The following PECAM1 variants were observed in gnomAD, a reference collection of about 807,000 sequenced individuals.
PECAM1 encodes the protein platelet endothelial cell adhesion molecule.
Under a neutral mutation model 13.8 loss-of-function variants are expected in PECAM1, and 8 were observed. That is an observed-to-expected ratio of 0.58 (90% CI 0.34 to 1.05). The LOEUF is 1.05. Ranked by LOEUF, PECAM1 falls within the 50% of genes least tolerant of loss-of-function variation. The pLI, the probability that PECAM1 is intolerant of heterozygous loss-of-function variation, is 0.03. For missense variants in PECAM1, 304 were observed against 141.2 expected (o/e 2.15, Z -5.84); for synonymous variants, 136 against 52.6 (o/e 2.58, Z -6.86).
Position 64,323,491 on chromosome 17 carries a change from G to A in PECAM1, c.*325C>T. ...GTGCATGGAAAAGGTCTTTATCTCT[G>A]CACAAAACAAAATATTCAAGTTTCA... On this transcript the variant is annotated 3_prime_UTR_variant, in exon 16 of 16. Coordinates refer to ENST00000563924, the MANE Select transcript of PECAM1 (RefSeq NM_000442.5). The A allele has an allele frequency of 1.5e-6, 2 of 1,292,902 alleles. No homozygotes were observed. Among genetic ancestry groups the A allele is most frequent in the Non-Finnish European group, 9.9e-7 (1 of 1,011,958 alleles). The allele number at this position is 1,292,902 out of a possible 1,614,324, so 80.1% of individuals were successfully genotyped here.
rs1477503391 is a variant in PECAM1, at chr17:64,329,555, G to C, written c.2187+145C>G. ...TCGAAATCAGAACTGGCCAAGGCTA[G>C]TCAGAGAAGCCCAGGGCTTCTGGTC... On this transcript the variant is annotated intron_variant, in intron 15 of 15. Transcript: ENST00000563924. The C allele has an allele frequency of 6.1e-6, 4 of 660,408 alleles. No homozygotes were observed. The East Asian group carries it at 1.1e-4, about 18-fold the overall frequency. The allele number at this position is 660,408 out of a possible 1,614,324, so 40.9% of individuals were successfully genotyped here. A position where few individuals can be genotyped will look rare whatever the true frequency, so the allele number is the denominator to read the frequency against.
At chr17:64,374,420 C>T (rs1443309927) in intron 4 of PECAM1, among the ~76,000 whole-genome samples, 3 of 151,926 alleles carry the variant, frequency 2.0e-5, no homozygotes, top group South Asian at 2.1e-4. Context: ...ACCTGGGAGG[C>T]GGAGGTTGCA....
intron 2 of PECAM1, among the ~76,000 whole-genome samples, chr17:64,388,265 G>C (rs1223032821): frequency 6.6e-6 from 1 of 152,164 alleles, no homozygotes; most frequent in African/African-American, 2.4e-5. Flanking sequence ...CAAAGCGTGA[G>C]TGTCTGCAGG....
Position 64,341,028 on chromosome 17 carries a change from G to A in PECAM1, c.2164+606C>T, listed in dbSNP as rs1319824618. Among the ~76,000 whole-genome samples the A allele has an allele frequency of 4.6e-5, 7 of 150,928 alleles. No individual in the cohort carries two copies. The East Asian group carries it at 5.8e-4, about 13-fold the overall frequency. On this transcript the variant is annotated intron_variant, in intron 14 of 15. Transcript: ENST00000563924. ...AGGAGAATCGCTTGAACCGGGAGGCGGAGGTTGCAGTGAGCCGAGATCGCT... is the reference window on the plus strand; with the variant it reads ...AGGAGAATCGCTTGAACCGGGAGGCAGAGGTTGCAGTGAGCCGAGATCGCT...
intron 14 of PECAM1, among the ~76,000 whole-genome samples, chr17:64,332,026 G>T (rs1213206077): frequency 1.3e-5 from 2 of 152,188 alleles, no homozygotes; most frequent in Non-Finnish European, 2.9e-5. Context: ...GTCACAGCGG[G>T]GGTCACAATC....
chr17:64,375,225 T>C lies in PECAM1; in HGVS notation c.517A>G (p.Lys173Glu). The stretch of plus-strand genomic sequence containing the variant: ...TTCTCTCTTTTCAGCTTGACCATTT[T>C]TTCATTTAGTTCAAGTTTTTCAATT... ...FTIEKLELNE[K>E]MVKLKREKNS... The change falls in exon 4 of 16, where the codon AAA (lysine) becomes GAA (glutamate). Residue 173 changes from lysine (K) to glutamate (E), a missense_variant. Transcript: ENST00000563924. The C allele has an allele frequency of 2.1e-6, 1 of 475,402 alleles. No homozygotes were observed. 29.4% of individuals were successfully genotyped at this position (475,402 alleles called of 1,614,324 possible). A position where few individuals can be genotyped will look rare whatever the true frequency, so the allele number is the denominator to read the frequency against.
chr17:64,328,276 C>T (rs1182739986), intron 15 of PECAM1, among the ~76,000 whole-genome samples: 1 of 145,044 alleles, frequency 6.9e-6, no homozygotes, highest in Non-Finnish European at 1.6e-5. Flanking sequence ...ACATCTGTGT[C>T]CCGCACTGCC....
chr17:64,323,013 G>T lies in PECAM1; in HGVS notation c.*803C>A, dbSNP rs1278214502. ...TGAGCCACCTTGCCTGCCCTGGCAA[G>T]GAATACATTTTTAAAAATTAGTAAG... On this transcript the variant is annotated 3_prime_UTR_variant, in exon 16 of 16. Transcript: ENST00000563924. The T allele has an allele frequency of 8.1e-6, 8 of 982,276 alleles. No homozygotes were observed. Among genetic ancestry groups the T allele is most frequent in the Non-Finnish European group, 9.7e-6 (8 of 827,148 alleles). 60.8% of individuals were successfully genotyped at this position (982,276 alleles called of 1,614,324 possible).
At chr17:64,324,484 G>A (rs1333228266) in intron 15 of PECAM1, among the ~76,000 whole-genome samples, 2 of 152,112 alleles carry the variant, frequency 1.3e-5, no homozygotes, top group South Asian at 2.1e-4. Flanking sequence ...ACTTCATCAA[G>A]CACCCATGTA....
chr17:64,385,884 G>A (rs2036582396), intron 2 of PECAM1, among the ~76,000 whole-genome samples: 2 of 152,232 alleles, frequency 1.3e-5, no homozygotes, highest in Non-Finnish European at 2.9e-5. Flanking sequence ...ACCAGAGTGT[G>A]GGGCTAGAGA....
intron 12 of PECAM1, 90 bp from the exon 13 acceptor site, chr17:64,348,412 T>C (rs1339662692): frequency 4.9e-5 from 19 of 387,202 alleles, no homozygotes; most frequent in East Asian, 3.0e-4. Flanking sequence ...CTTTTCTTTT[T>C]TTTTTTTTTT....
chr17:64,322,631 A>G lies in PECAM1; in HGVS notation c.*1185T>C, dbSNP rs1336096226. On this transcript the variant is annotated 3_prime_UTR_variant, in exon 16 of 16. Coordinates refer to ENST00000563924, the MANE Select transcript of PECAM1 (RefSeq NM_000442.5). ...CTCATCTGTGAAATTCCACAGCGCA[A>G]TGACAGCAGCCTCTCTCCCACCCAC... 8.1e-6 allele frequency: 8 copies of G among 985,282 alleles called. No individual in the cohort carries two copies. In the South Asian group the frequency reaches 1.4e-4, roughly 17 times the overall value. The allele number at this position is 985,282 out of a possible 1,614,324, so 61.0% of individuals were successfully genotyped here. A position where few individuals can be genotyped will look rare whatever the true frequency, so the allele number is the denominator to read the frequency against.
intron 13 of PECAM1, 150 bp from the exon 14 acceptor site, chr17:64,341,840 C>T (rs1470958501): frequency 2.5e-6 from 1 of 396,082 alleles, no homozygotes. Context: ...ACCCAGAGAC[C>T]TTGTCATTTC....
Position 64,377,911 on chromosome 17 carries a change from G to A in PECAM1, c.298C>T (p.Arg100Trp). 2.1e-6 allele frequency: 1 copy of A among 475,172 alleles called. No individual in the cohort carries two copies. Among genetic ancestry groups the A allele is most frequent in the Non-Finnish European group, 3.9e-6 (1 of 259,028 alleles). 29.4% of individuals were successfully genotyped at this position (475,172 alleles called of 1,614,324 possible). The change falls in exon 3 of 16, where the codon CGG becomes TGG. Residue 100 changes from arginine to tryptophan, a missense_variant. Transcript: ENST00000563924. ...STESYFIPEVRIYDSGTYKCT... is the reference protein window; with the variant it reads ...STESYFIPEVWIYDSGTYKCT... ...TTATATGTCCCTGAGTCATAGATCC[G>A]GACTTCAGGAATAAAATAACTCTCT...
intron 7 of PECAM1, among the ~76,000 whole-genome samples, chr17:64,357,228 C>T (rs1286122873): frequency 6.6e-6 from 1 of 152,068 alleles, no homozygotes; most frequent in Non-Finnish European, 1.5e-5. Flanking sequence ...AAATTCAATC[C>T]TCAGTTTTCC....
At position 64,356,379 on chromosome 17, in the gene PECAM1, C is replaced by G. The variant is rs1296422851; in HGVS notation, c.1512G>C (p.Gln504His). ...CCACCTTACTTGACAGGATAGAAATCTGGACCTCATCCACCGGGGCTGAAA... is the reference window on the plus strand; with the variant it reads ...CCACCTTACTTGACAGGATAGAAATGTGGACCTCATCCACCGGGGCTGAAA... ...VKVIAPVDEV[Q>H]ISILSSKVVE... Residue 504 changes from glutamine to histidine, a missense_variant, in exon 8 of 16, where the codon CAG (glutamine) becomes CAC (histidine). Coordinates refer to ENST00000563924, the MANE Select transcript of PECAM1 (RefSeq NM_000442.5). 1 of 470,156 alleles carries G rather than the reference C, an allele frequency of 2.1e-6. No individual in the cohort carries two copies. The highest frequency in any genetic ancestry group is 3.9e-6 in the Non-Finnish European group (1 of 256,904). The allele number at this position is 470,156 out of a possible 1,614,324, so 29.1% of individuals were successfully genotyped here.
intron 2 of PECAM1, among the ~76,000 whole-genome samples, chr17:64,383,843 C>G (rs2036535029): frequency 6.6e-6 from 1 of 152,126 alleles, no homozygotes. Context: ...CTCAAATAAA[C>G]AAACTCGGCA....
At chr17:64,368,304 G>C (rs2036158214) in intron 5 of PECAM1, among the ~76,000 whole-genome samples, 1 of 152,160 alleles carries the variant, frequency 6.6e-6, no homozygotes, top group African/African-American at 2.4e-5. Flanking sequence ...AACAAGAAAG[G>C]TAGAGTATAT....
intron 4 of PECAM1, among the ~76,000 whole-genome samples, chr17:64,372,754 C>T (rs1430693205): frequency 6.6e-6 from 1 of 151,902 alleles, no homozygotes; most frequent in Non-Finnish European, 1.5e-5. Context: ...CCGCCTGCCT[C>T]AGCCTCCCAA....
Sources: allele counts gnomAD v4.1 joint callset (sites outside exome capture counted in the v4.1 genomes callset), GRCh38; gene constraint gnomAD v4.1.1; transcripts MANE v1.5; gene names NCBI Gene and HGNC (gene_info 2026-07-23, HGNC 2026-07-21).